The following NSL1 variants were observed in gnomAD, a reference collection of about 807,000 sequenced individuals.
The protein encoded by NSL1 is NSL1 component of MIS12 kinetochore complex, also known as kinetochore-associated protein NSL1 homolog.
A neutral mutation model predicts 25.4 loss-of-function variants in NSL1; 11 were observed. That is an observed-to-expected ratio of 0.43 (90% CI 0.27 to 0.72). NSL1 has a LOEUF of 0.72. Ranked by LOEUF, NSL1 falls within the 30% of genes least tolerant of loss-of-function variation. NSL1 has a pLI of 0.19. For synonymous variants in NSL1, 118 were observed against 120.6 expected, an observed-to-expected ratio of 0.98 and a Z score of 0.14; for missense variants, 330 against 342.7, an observed-to-expected ratio of 0.96 and a Z score of 0.29.
chr1:212,777,990 A>C lies in NSL1; in HGVS notation c.499+4382T>G, dbSNP rs138728282. 6.2e-4 allele frequency among the ~76,000 whole-genome samples: 94 copies of C among 152,356 alleles called. 2 individuals carry two copies. In the East Asian group the frequency reaches 0.016, roughly 26 times the overall value. ...GAGCATTTGTAGAAATCCTGGCTAG[A>C]GTGATGGTAACCTAGAATAGAGATG... On this transcript the variant is annotated intron_variant, in intron 4 of 5. Transcript: ENST00000366977.
chr1:212,767,287 A>C (rs1411361287), intron 4 of NSL1, among the ~76,000 whole-genome samples: 3 of 152,254 alleles, frequency 2.0e-5, no homozygotes, highest in Non-Finnish European at 4.4e-5. Flanking sequence ...AAATAAAGCC[A>C]AATACTTACA....
chr1:212,786,396 T>G (rs1249124217), intron 2 of NSL1, among the ~76,000 whole-genome samples: 1 of 151,456 alleles, frequency 6.6e-6, no homozygotes, highest in Non-Finnish European at 1.5e-5. Context: ...AAGAAAATAA[T>G]GTACTATTTC....
rs1558030802 is a variant in NSL1 at position 212,727,091 on chromosome 1, G to GA, written c.*11316_*11317insT. The stretch of plus-strand genomic sequence containing the variant: ...CACCCAGCTTCATCCTCTTCATCTT[G>GA]CCAGTTCACCAGAGGCAGAAGGGAT... On this transcript the variant is annotated 3_prime_UTR_variant, in exon 6 of 6. Transcript: ENST00000366977. 2 of 1,433,412 alleles carry GA rather than the reference G, an allele frequency of 1.4e-6. No individual in the cohort carries two copies. The highest frequency in any genetic ancestry group is 9.3e-7 in the Non-Finnish European group (1 of 1,077,568). 88.8% of individuals were successfully genotyped at this position (1,433,412 alleles called of 1,614,324 possible).
Position 212,732,233 on chromosome 1 carries a change from A to C in NSL1, c.*6175T>G. On this transcript the variant is annotated 3_prime_UTR_variant, in exon 6 of 6. Coordinates refer to ENST00000366977, the MANE Select transcript of NSL1 (RefSeq NM_015471.4). ...TATTACAAAACATCTCCTTTATACA[A>C]TTTTCTGCATAGTTAACATTATCAC... The C allele has an allele frequency of 1.0e-6, 1 of 980,066 alleles. No homozygotes were observed. The highest frequency in any genetic ancestry group is 1.1e-4 in the East Asian group (1 of 8,758). The allele number at this position is 980,066 out of a possible 1,614,324, so 60.7% of individuals were successfully genotyped here. A position where few individuals can be genotyped will look rare whatever the true frequency, so the allele number is the denominator to read the frequency against.
chr1:212,790,599 T>C (rs1267308603), intron 1 of NSL1, among the ~76,000 whole-genome samples: 1 of 152,124 alleles, frequency 6.6e-6, no homozygotes, highest in Admixed American at 6.5e-5. Context: ...ATTTGTGAGT[T>C]ATGAATGACC....
rs542938491 is a variant in NSL1, at chr1:212,735,998, T to C, written c.*2410A>G. 2 of 985,410 alleles carry C rather than the reference T, an allele frequency of 2.0e-6. No homozygotes were observed. The highest frequency in any genetic ancestry group is 2.3e-4 in the East Asian group (2 of 8,816). 61.0% of individuals were successfully genotyped at this position (985,410 alleles called of 1,614,324 possible). A position where few individuals can be genotyped will look rare whatever the true frequency, so the allele number is the denominator to read the frequency against. On this transcript the variant is annotated 3_prime_UTR_variant, in exon 6 of 6. Transcript: ENST00000366977. Reference sequence around the variant, plus strand: ...AGTTTTCAGAAACCAGCTTTGACAGTGTTCTCTCTTCTTTGGGACTAGACT... The same window carrying C: ...AGTTTTCAGAAACCAGCTTTGACAGCGTTCTCTCTTCTTTGGGACTAGACT...
chr1:212,764,880 G>GA (rs141701718), intron 4 of NSL1, among the ~76,000 whole-genome samples: 19 of 101,372 alleles, frequency 1.9e-4, no homozygotes, highest in Admixed American at 3.1e-4. Flanking sequence ...AAGAAAGAAA[G>GA]AAAAAAAAAA....
At chr1:212,769,537 G>C (rs2102380543) in intron 4 of NSL1, among the ~76,000 whole-genome samples, 1 of 152,260 alleles carries the variant, frequency 6.6e-6, no homozygotes, top group Non-Finnish European at 1.5e-5. Context: ...AAAAATGAAG[G>C]AGAAATAAAG....
chr1:212,772,535 G>A (rs1249886270), intron 4 of NSL1, among the ~76,000 whole-genome samples: 3 of 151,886 alleles, frequency 2.0e-5, no homozygotes, highest in African/African-American at 7.3e-5. Flanking sequence ...AAATTAGCTG[G>A]GTGTGGTAGT....
At chr1:212,766,708 GATAA>G (rs967148046) in intron 4 of NSL1, among the ~76,000 whole-genome samples, 1 of 150,964 alleles carries the variant, frequency 6.6e-6, no homozygotes, top group Non-Finnish European at 1.5e-5. Flanking sequence ...TCCTAGATTG[GATAA>G]ATAAATTTGG....
intron 4 of NSL1, among the ~76,000 whole-genome samples, chr1:212,750,199 A>G (rs574136223): frequency 1.3e-5 from 2 of 152,148 alleles, no homozygotes; most frequent in East Asian, 3.9e-4. Context: ...AGAGGGTGCC[A>G]TGGAGGCACA....
Position 212,727,887 on chromosome 1 carries a change from A to G in NSL1, c.*10521T>C, listed in dbSNP as rs548473846. On this transcript the variant is annotated 3_prime_UTR_variant, in exon 6 of 6. Transcript: ENST00000366977. Reference sequence around the variant, plus strand: ...ATGTTTGTTGATACTCTCTGTTGCTATGTGTCATTGAAAAAAAATGAGAAG... The same window carrying G: ...ATGTTTGTTGATACTCTCTGTTGCTGTGTGTCATTGAAAAAAAATGAGAAG... The G allele has an allele frequency of 6.3e-4, 621 of 985,212 alleles. No individual in the cohort carries two copies. The highest frequency in any genetic ancestry group is 7.2e-4 in the Non-Finnish European group (596 of 829,876). The allele number at this position is 985,212 out of a possible 1,614,324, so 61.0% of individuals were successfully genotyped here.
chr1:212,746,079 C>T (rs936233208), intron 4 of NSL1, among the ~76,000 whole-genome samples: 1 of 152,220 alleles, frequency 6.6e-6, no homozygotes, highest in South Asian at 2.1e-4. Context: ...GGATGCTAGA[C>T]AGCACCTTGA....
intron 4 of NSL1, among the ~76,000 whole-genome samples, chr1:212,776,114 C>A (rs142458916): frequency 6.6e-6 from 1 of 152,136 alleles, no homozygotes; most frequent in Non-Finnish European, 1.5e-5. Context: ...TGCGCCCAGC[C>A]CGTAAATTGT....
In NSL1 at chr1:212,736,333, T is replaced by C. The variant is rs1658231464; in HGVS notation, c.*2075A>G. On this transcript the variant is annotated 3_prime_UTR_variant, in exon 6 of 6. Transcript: ENST00000366977. ...GCCCACCGCGCCTGGCTATTTCTTT[T>C]CTGAAAGATAATTTTAAGACCCTAT... 5 of 985,182 alleles carry C rather than the reference T, an allele frequency of 5.1e-6. No homozygotes were observed. The highest frequency in any genetic ancestry group is 6.0e-6 in the Non-Finnish European group (5 of 829,678). The allele number at this position is 985,182 out of a possible 1,614,324, so 61.0% of individuals were successfully genotyped here.
rs1042106267 is a variant in NSL1 at position 212,734,293 on chromosome 1, T to C, written c.*4115A>G. Among the ~76,000 whole-genome samples, 2 of 152,214 alleles carry C rather than the reference T, an allele frequency of 1.3e-5. No individual in the cohort carries two copies. Among genetic ancestry groups the C allele is most frequent in the African/African-American group, 4.8e-5 (2 of 41,444 alleles). ...ATCATGTGCCAGCAATTATTCCAGGTGGATGGAACAAAGATTCCTGCCATT... is the reference window on the plus strand; with the variant it reads ...ATCATGTGCCAGCAATTATTCCAGGCGGATGGAACAAAGATTCCTGCCATT... On this transcript the variant is annotated 3_prime_UTR_variant, in exon 6 of 6. Transcript: ENST00000366977.
At chr1:212,763,018 C>T (rs1221278276) in intron 4 of NSL1, among the ~76,000 whole-genome samples, 1 of 152,148 alleles carries the variant, frequency 6.6e-6, no homozygotes, top group South Asian at 2.1e-4. Context: ...GCTGGGCGTC[C>T]GGCCTTATGG....
intron 4 of NSL1, among the ~76,000 whole-genome samples, chr1:212,759,501 C>G (rs575277001): frequency 9.2e-5 from 14 of 152,238 alleles, no homozygotes; most frequent in African/African-American, 3.4e-4. Flanking sequence ...AGGAGAGCCC[C>G]TTGGCCCCTG....
rs941000872 is a variant in NSL1 at position 212,730,295 on chromosome 1, A to C, written c.*8113T>G. On this transcript the variant is annotated 3_prime_UTR_variant, in exon 6 of 6. Coordinates refer to ENST00000366977, the MANE Select transcript of NSL1 (RefSeq NM_015471.4). ...TGCGCCAAGTCTCAGGTATTTATGGACTGGTGAAGAGTTGTGTGGAGGGTG... is the reference window on the plus strand; with the variant it reads ...TGCGCCAAGTCTCAGGTATTTATGGCCTGGTGAAGAGTTGTGTGGAGGGTG... 4 of 969,096 alleles carry C rather than the reference A, an allele frequency of 4.1e-6. No individual in the cohort carries two copies. Among genetic ancestry groups the C allele is most frequent in the Non-Finnish European group, 4.9e-6 (4 of 819,054 alleles). The allele number at this position is 969,096 out of a possible 1,614,324, so 60.0% of individuals were successfully genotyped here.
Sources: allele counts gnomAD v4.1 joint callset (sites outside exome capture counted in the v4.1 genomes callset), GRCh38; gene constraint gnomAD v4.1.1; transcripts MANE v1.5; gene names NCBI Gene and HGNC (gene_info 2026-07-23, HGNC 2026-07-21).